Variants in ZNF462 observed in about 807,000 individuals in gnomAD.
ZNF462 encodes the protein zinc finger PBX1-interacting protein.
Under a neutral mutation model 201.9 loss-of-function variants are expected in ZNF462, and 10 were observed. The ratio of observed to expected loss-of-function variants is 0.05; its 90% CI spans 0.03 to 0.08. ZNF462 has a LOEUF of 0.08. ZNF462 is among the 10% of genes least tolerant of loss of function. ZNF462 has a pLI of 1.00. For synonymous variants in ZNF462, 1,227 were observed against 1,193.3 expected (o/e 1.03, Z -0.58); for missense variants, 2,523 against 3,168.3 (o/e 0.80, Z 4.89).
chr9:107,008,802 A>G lies in ZNF462; in HGVS notation c.7190-743A>G, dbSNP rs373378631. Reference sequence around the variant, plus strand: ...ACTAAGTCAATATTTGATGTTTACAACAGACCGTCCAGAAATGTCTGCATA... The same window carrying G: ...ACTAAGTCAATATTTGATGTTTACAGCAGACCGTCCAGAAATGTCTGCATA... On this transcript the variant is annotated intron_variant, in intron 11 of 12. Transcript: ENST00000277225. This position sits in a 1 kb window ranked among gnomAD's most constrained non-coding sequence, Gnocchi z 4.8. Among the ~76,000 whole-genome samples the G allele has an allele frequency of 2.6e-5, 4 of 152,326 alleles. No homozygotes were observed. In the East Asian group the frequency reaches 5.8e-4, roughly 22 times the overall value.
At chr9:106,989,570 G>T (rs750290110) in intron 10 of ZNF462, among the ~76,000 whole-genome samples, 6 of 151,950 alleles carry the variant, frequency 3.9e-5, no homozygotes, top group Non-Finnish European at 8.8e-5. Flanking sequence ...ATTAGGGAGG[G>T]TTCCCTCTTT....
intron 1 of ZNF462, among the ~76,000 whole-genome samples, chr9:106,889,057 A>C (rs1052550258): frequency 4.6e-5 from 7 of 152,210 alleles, no homozygotes; most frequent in Non-Finnish European, 4.4e-5. Flanking sequence ...GATATGCTTT[A>C]ACTTGCCTTG....
At chr9:106,988,008 T>A (rs532922862) in intron 10 of ZNF462, among the ~76,000 whole-genome samples, 161 of 152,296 alleles carry the variant, frequency 1.1e-3, no homozygotes, top group African/African-American at 3.8e-3. Flanking sequence ...TCTATTCTGT[T>A]CCATTGGTAT....
rs563260951 is a variant in ZNF462, at chr9:106,989,344, T to C, written c.7056+4935T>C. On this transcript the variant is annotated intron_variant, in intron 10 of 12. Coordinates refer to ENST00000277225, the MANE Select transcript of ZNF462 (RefSeq NM_021224.6). Reference sequence around the variant, plus strand: ...TGTTTATGTGGTGTATCACATTTATTGACTCGTGTACGTTAAACTATCCCT... The same window carrying C: ...TGTTTATGTGGTGTATCACATTTATCGACTCGTGTACGTTAAACTATCCCT... Among the ~76,000 whole-genome samples, 64 of 152,296 alleles carry C rather than the reference T, an allele frequency of 4.2e-4. 1 individual carries two copies. The highest frequency in any genetic ancestry group is 1.5e-3 in the African/African-American group (61 of 41,584).
In ZNF462 at chr9:106,929,477, C is replaced by T. The variant is rs769162614; in HGVS notation, c.5565C>T (p.Ser1855=). Residue 1855 remains serine (S), a synonymous_variant, in exon 3 of 13, where the codon TCC becomes TCT. Coordinates refer to ENST00000277225, the MANE Select transcript of ZNF462 (RefSeq NM_021224.6). This position sits in a 1 kb window ranked among gnomAD's most constrained non-coding sequence, Gnocchi z 8.7. Reference sequence around the variant, plus strand: ...GCTGCATCAAATGCTTCAAGCTGTCCTTTAGCACTGCAGAGCTGCTGTGCA... The same window carrying T: ...GCTGCATCAAATGCTTCAAGCTGTCTTTTAGCACTGCAGAGCTGCTGTGCA... ...PFRCIKCFKL[S]FSTAELLCMH... The T allele has an allele frequency of 1.2e-6, 2 of 1,614,172 alleles. No homozygotes were observed. Among genetic ancestry groups the T allele is most frequent in the Non-Finnish European group, 1.7e-6 (2 of 1,180,038 alleles).
chr9:106,926,267 T>C lies in ZNF462; in HGVS notation c.2355T>C (p.Asn785=). ...TCACCCACGATTACAATGCCACCAA[T>C]GGGGCTGAGATTGAGCTCACCCTTT... ...RNITHDYNAT[N]GAEIELTLSE... Residue 785 remains asparagine (N), a synonymous_variant, in exon 3 of 13, where the codon AAT becomes AAC. Coordinates refer to ENST00000277225, the MANE Select transcript of ZNF462 (RefSeq NM_021224.6). The surrounding 1 kb of genome is among the most constrained non-coding windows in gnomAD (Gnocchi z 7.9). The C allele has an allele frequency of 6.2e-7, 1 of 1,614,178 alleles. No individual in the cohort carries two copies. Among genetic ancestry groups the C allele is most frequent in the Non-Finnish European group, 8.5e-7 (1 of 1,180,032 alleles).
rs779852996 is a variant in ZNF462, at chr9:106,925,313, A to C, written c.1401A>C (p.Thr467=). ...AAAACATCCACTTATCTGGAAAGAC[A>C]GCTGTCTACAAATGTGACGAATGTC... The part of the protein sequence containing the change: ...HIENIHLSGK[T]AVYKCDECPF... Residue 467 remains threonine (T), a synonymous_variant, in exon 3 of 13, where the codon ACA becomes ACC. Transcript: ENST00000277225. This position sits in a 1 kb window ranked among gnomAD's most constrained non-coding sequence, Gnocchi z 7.9. The C allele has an allele frequency of 2.5e-6, 4 of 1,614,232 alleles. No homozygotes were observed. The East Asian group carries it at 8.9e-5, about 36-fold the overall frequency.
Position 106,935,631 on chromosome 9 carries a change from G to A in ZNF462, c.6235+10G>A, listed in dbSNP as rs763705839. 6.8e-6 allele frequency: 11 copies of A among 1,607,872 alleles called. No homozygotes were observed. The highest frequency in any genetic ancestry group is 3.3e-5 in the Admixed American group (2 of 60,002). On this transcript the variant is annotated intron_variant, in intron 6 of 12. Transcript: ENST00000277225. This position sits in a 1 kb window ranked among gnomAD's most constrained non-coding sequence, Gnocchi z 4.1. ...CTCAAAGCTCATGCTGGTGAGTTGT[G>A]CATTGATGATGCACAAGTTCTTTAG...
At chr9:106,936,010 T>A (rs1830615741) in intron 6 of ZNF462, among the ~76,000 whole-genome samples, 1 of 152,200 alleles carries the variant, frequency 6.6e-6, no homozygotes, top group African/African-American at 2.4e-5. Context: ...CTTAAGGAAG[T>A]TAGAAAGGGC....
At chr9:106,967,643 T>C (rs1832138565) in intron 7 of ZNF462, among the ~76,000 whole-genome samples, 1 of 152,114 alleles carries the variant, frequency 6.6e-6, no homozygotes, top group South Asian at 2.1e-4. Flanking sequence ...CTCATTTGCA[T>C]TTGTGTATCT....
At chr9:106,897,849 C>T (rs552692774) in intron 1 of ZNF462, among the ~76,000 whole-genome samples, 3 of 151,830 alleles carry the variant, frequency 2.0e-5, no homozygotes, top group Admixed American at 6.6e-5. Flanking sequence ...TCCATGGATT[C>T]GCCTCCAGCC....
At chr9:106,991,882 A>ACACACC (rs61582463) in intron 10 of ZNF462, among the ~76,000 whole-genome samples, 1 of 146,880 alleles carries the variant, frequency 6.8e-6, no homozygotes, top group Non-Finnish European at 1.5e-5. Context: ...ACACACACAC[A>ACACACC]ACAATCAAAA....
rs1306222692 is a variant in ZNF462 at position 106,917,863 on chromosome 9, T to TTTAC, written c.-30-5488_-30-5487insCTTA. ...TTATTTTTTTATATTTATTTATTTATTTATTTATTTATTTATTTATTTATT... is the reference window on the plus strand; with the variant it reads ...TTATTTTTTTATATTTATTTATTTATTTACTTATTTATTTATTTATTTATTTATT... On this transcript the variant is annotated intron_variant, in intron 1 of 12. Coordinates refer to ENST00000277225, the MANE Select transcript of ZNF462 (RefSeq NM_021224.6). This position sits in a 1 kb window ranked among gnomAD's most constrained non-coding sequence, Gnocchi z 4.5. Among the ~76,000 whole-genome samples, 2 of 139,750 alleles carry TTTAC rather than the reference T, an allele frequency of 1.4e-5. No individual in the cohort carries two copies. Among genetic ancestry groups the TTTAC allele is most frequent in the South Asian group, 4.2e-4 (2 of 4,738 alleles). 91.7% of individuals were successfully genotyped at this position (139,750 alleles called of 152,430 possible). A position where few individuals can be genotyped will look rare whatever the true frequency, so the allele number is the denominator to read the frequency against.
intron 10 of ZNF462, among the ~76,000 whole-genome samples, chr9:107,000,692 A>G (rs573972481): frequency 6.6e-6 from 1 of 152,348 alleles, no homozygotes; most frequent in Admixed American, 6.5e-5. Flanking sequence ...GATGAACATC[A>G]TACTGTGAAA....
intron 7 of ZNF462, among the ~76,000 whole-genome samples, chr9:106,939,941 T>G (rs910593036): frequency 3.2e-4 from 49 of 152,186 alleles, no homozygotes; most frequent in African/African-American, 1.1e-3. Flanking sequence ...TCCAACCCCT[T>G]CTAATTCTTG....
Position 106,954,751 on chromosome 9 carries a change from G to A in ZNF462, c.6427+15644G>A, listed in dbSNP as rs1451709410. Among the ~76,000 whole-genome samples, 1 of 152,010 alleles carries A rather than the reference G, an allele frequency of 6.6e-6. No homozygotes were observed. Among genetic ancestry groups the A allele is most frequent in the African/African-American group, 2.4e-5 (1 of 41,376 alleles). ...TTCTGTGATGCAACAGTGATCTCCCGAGATGTGAGTCAACTCTTCCTCTGA... is the reference window on the plus strand; with the variant it reads ...TTCTGTGATGCAACAGTGATCTCCCAAGATGTGAGTCAACTCTTCCTCTGA... On this transcript the variant is annotated intron_variant, in intron 7 of 12. Coordinates refer to ENST00000277225, the MANE Select transcript of ZNF462 (RefSeq NM_021224.6). This position sits in a 1 kb window ranked among gnomAD's most constrained non-coding sequence, Gnocchi z 4.0.
intron 1 of ZNF462, among the ~76,000 whole-genome samples, chr9:106,910,952 A>C (rs920078717): frequency 6.6e-6 from 1 of 152,186 alleles, no homozygotes; most frequent in Non-Finnish European, 1.5e-5. Flanking sequence ...TTTATTTATC[A>C]CGAAAGCGTC....
At chr9:106,907,473 CACATT>C (rs2131255330) in intron 1 of ZNF462, among the ~76,000 whole-genome samples, 1 of 152,132 alleles carries the variant, frequency 6.6e-6, no homozygotes, top group South Asian at 2.1e-4. Flanking sequence ...TGTTTCTAGA[CACATT>C]ACATTAGTTT....
At chr9:107,007,991 C>T (rs575639788) in intron 11 of ZNF462, among the ~76,000 whole-genome samples, 1 of 152,142 alleles carries the variant, frequency 6.6e-6, no homozygotes, top group African/African-American at 2.4e-5. Flanking sequence ...GCAGCCACCC[C>T]ACTCCCTACC....
Sources: gnomAD v4.1 joint callset for allele counts (sites outside exome capture counted in the v4.1 genomes callset) on GRCh38, gnomAD v4.1.1 for gene constraint, Gnocchi (gnomAD v3.1) non-coding constraint, MANE v1.5 for transcripts, NCBI Gene and HGNC (gene_info 2026-07-23, HGNC 2026-07-21) for gene names.